The following TBL1X variants were observed in gnomAD, a reference collection of about 807,000 sequenced individuals.
The protein encoded by TBL1X is F-box-like/WD repeat-containing protein TBL1X.
TBL1X carries 10 observed loss-of-function variants against 50.7 expected under a neutral mutation model. That is an observed-to-expected ratio of 0.20 (90% CI 0.12 to 0.33). The LOEUF is 0.33. TBL1X is among the 10% of genes least tolerant of loss of function. The pLI, the probability that TBL1X is intolerant of heterozygous loss-of-function variation, is 1.00. For synonymous variants in TBL1X, 190 were observed against 214.7 expected (o/e 0.88, Z 1.01); for missense variants, 340 against 504.4 (o/e 0.67, Z 3.12).
At chrX:9,478,673 A>G (rs2081862671) in intron 1 of TBL1X, among the ~76,000 whole-genome samples, 1 of 112,453 alleles carries the variant, frequency 8.9e-6, no homozygotes, top group South Asian at 3.7e-4. Context: ...AACCATTGCC[A>G]GATTGTCAAA....
chrX:9,615,470 A>G (rs947410596), intron 2 of TBL1X, among the ~76,000 whole-genome samples: 1 of 112,324 alleles, frequency 8.9e-6, no homozygotes, highest in Non-Finnish European at 1.9e-5. Context: ...GTCATTACTA[A>G]GACAATCACA....
chrX:9,488,845 A>T (rs965993487), intron 1 of TBL1X, among the ~76,000 whole-genome samples: 1 of 110,699 alleles, frequency 9.0e-6, no homozygotes, highest in Non-Finnish European at 1.9e-5. Flanking sequence ...GAGTCGATTG[A>T]TTGGTTGGTT....
intron 1 of TBL1X, 103 bp downstream of exon 1, chrX:9,465,550 G>T (rs763681916): frequency 8.9e-6 from 1 of 111,934 alleles, no homozygotes; most frequent in Non-Finnish European, 1.9e-5. Flanking sequence ...GGCTCGGGGC[G>T]CCCGAACGCT....
chrX:9,653,794 TCA>T (rs781171485), intron 4 of TBL1X, 105 bp downstream of exon 4: 20 of 749,742 alleles, frequency 2.7e-5, no homozygotes, highest in Non-Finnish European at 3.7e-5. Context: ...AGAAAAGTGC[TCA>T]GTGTTGAATC....
chrX:9,651,857 T>C (rs182735031), intron 3 of TBL1X, among the ~76,000 whole-genome samples: 5 of 112,642 alleles, frequency 4.4e-5, no homozygotes, highest in African/African-American at 1.6e-4. Flanking sequence ...ATAAAGTCTA[T>C]TAAGAGTGCA....
chrX:9,619,780 C>G (rs2239406), intron 2 of TBL1X, among the ~76,000 whole-genome samples: 1 of 110,291 alleles, frequency 9.1e-6, no homozygotes, highest in African/African-American at 3.3e-5. Flanking sequence ...GAGTGCCGCC[C>G]TCTAGCTGCG....
At chrX:9,674,916 C>G (rs1445239529) in intron 5 of TBL1X, among the ~76,000 whole-genome samples, 1 of 111,323 alleles carries the variant, frequency 9.0e-6, no homozygotes, top group Non-Finnish European at 1.9e-5. Flanking sequence ...TGAATTTTCA[C>G]CATATTTGCA....
At position 9,716,375 on chromosome X, in the gene TBL1X, T is replaced by G. The variant is rs1246487651; in HGVS notation, c.*129T>G. On this transcript the variant is annotated 3_prime_UTR_variant, in exon 18 of 18. Coordinates refer to ENST00000645353, the MANE Select transcript of TBL1X (RefSeq NM_005647.4). ...GAGTGTACTCTGAAACCAACTCGTC[T>G]CTGGCCGCAGGAGTCTATATGTTTT... The G allele has an allele frequency of 4.2e-6, 3 of 708,876 alleles. No individual in the cohort carries two copies. In the African/African-American group the frequency reaches 6.5e-5, roughly 15 times the overall value. 58.4% of individuals were successfully genotyped at this position (708,876 alleles called of 1,213,427 possible).
At chrX:9,640,877 C>T (rs1030533745) in intron 3 of TBL1X, among the ~76,000 whole-genome samples, 2 of 111,647 alleles carry the variant, frequency 1.8e-5, no homozygotes, top group African/African-American at 6.5e-5. Flanking sequence ...GTGATCCGCC[C>T]ACCTTGGCTT....
intron 5 of TBL1X, among the ~76,000 whole-genome samples, chrX:9,659,715 G>C (rs1198145849): frequency 8.9e-6 from 1 of 112,150 alleles, no homozygotes; most frequent in Non-Finnish European, 1.9e-5. Flanking sequence ...GGCAGAGGCA[G>C]GACACGTCGT....
At chrX:9,665,749 G>A (rs977028152) in intron 5 of TBL1X, among the ~76,000 whole-genome samples, 9 of 104,568 alleles carry the variant, frequency 8.6e-5, no homozygotes, top group Admixed American at 6.4e-4. Context: ...AAAAACCTAC[G>A]TTTTCCTCAT....
At chrX:9,588,211 A>G (rs2082481286) in intron 2 of TBL1X, among the ~76,000 whole-genome samples, 1 of 111,617 alleles carries the variant, frequency 9.0e-6, no homozygotes. Flanking sequence ...GTAAGGGAGG[A>G]TGAGCGGTTA....
At chrX:9,585,197 C>G (rs1385573761) in intron 2 of TBL1X, among the ~76,000 whole-genome samples, 1 of 111,177 alleles carries the variant, frequency 9.0e-6, no homozygotes, top group African/African-American at 3.3e-5. Flanking sequence ...CCTAAGTTTT[C>G]TAAGCACTTC....
At chrX:9,657,691 T>A (rs2146602912) in intron 5 of TBL1X, among the ~76,000 whole-genome samples, 1 of 112,799 alleles carries the variant, frequency 8.9e-6, no homozygotes, top group African/African-American at 3.2e-5. Flanking sequence ...CCCTTGTTAC[T>A]TGTCCAAAGC....
At chrX:9,627,354 A>G (rs1311346089) in intron 2 of TBL1X, among the ~76,000 whole-genome samples, 1 of 112,222 alleles carries the variant, frequency 8.9e-6, no homozygotes, top group African/African-American at 3.2e-5. Context: ...TTACATAATG[A>G]GAGAGATGTA....
At chrX:9,568,923 T>C (rs953791507) in intron 2 of TBL1X, among the ~76,000 whole-genome samples, 3 of 109,390 alleles carry the variant, frequency 2.7e-5, no homozygotes, top group African/African-American at 6.7e-5. Flanking sequence ...CCTTGCTGTT[T>C]GTGTTGTGTC....
upstream of TBL1X, among the ~76,000 whole-genome samples, chrX:9,463,675 T>A (rs749126752): frequency 2.7e-5 from 3 of 112,117 alleles, no homozygotes; most frequent in Non-Finnish European, 5.6e-5. Context: ...GCGGATTGCC[T>A]GAGGTCAGGA....
intron 2 of TBL1X, among the ~76,000 whole-genome samples, chrX:9,628,740 G>GT (rs1181402486): frequency 9.0e-6 from 1 of 111,172 alleles, no homozygotes; most frequent in Non-Finnish European, 1.9e-5. Context: ...TAGAGACAGG[G>GT]TTTCTCCGTG....
intron 2 of TBL1X, among the ~76,000 whole-genome samples, chrX:9,602,190 G>A (rs1177574385): frequency 4.5e-5 from 5 of 111,882 alleles, no homozygotes; most frequent in African/African-American, 1.6e-4. Context: ...TAAGCACAGC[G>A]ATATTCTATG....
Sources: allele counts gnomAD v4.1 joint callset (sites outside exome capture counted in the v4.1 genomes callset), GRCh38; gene constraint gnomAD v4.1.1; transcripts MANE v1.5; gene names NCBI Gene and HGNC (gene_info 2026-07-23, HGNC 2026-07-21).